Variants in XKR9 observed in about 807,000 individuals in gnomAD.
XKR9 encodes XK-related protein 9.
XKR9 carries 32 observed loss-of-function variants against 32.0 expected under a neutral mutation model. That is an observed-to-expected ratio of 1.00 (90% CI 0.76 to 1.34). The LOEUF (loss-of-function observed/expected upper bound fraction) is 1.34, where lower values mean the gene tolerates loss of function less well. Among genes scored for constraint, XKR9 ranks in the 40% most tolerant of loss-of-function variants. The pLI, the probability that XKR9 is intolerant of heterozygous loss-of-function variation, is 0.00. For missense variants in XKR9, 546 were observed against 429.7 expected, an observed-to-expected ratio of 1.27 and a Z score of -2.39; for synonymous variants, 168 against 143.4, an observed-to-expected ratio of 1.17 and a Z score of -1.22.
intron 4 of XKR9, among the ~76,000 whole-genome samples, chr8:70,730,116 A>G (rs971522128): frequency 6.6e-6 from 1 of 152,156 alleles, no homozygotes; most frequent in African/African-American, 2.4e-5. Context: ...ACAAGACCCA[A>G]TGGAGATAGC....
chr8:70,826,115 T>C, the XKR9 span, among the ~76,000 whole-genome samples: 1 of 152,080 alleles, frequency 6.6e-6, no homozygotes, highest in Non-Finnish European at 1.5e-5. Flanking sequence ...TTTTGGGTCT[T>C]TGTTTTCCAA....
the XKR9 span, among the ~76,000 whole-genome samples, chr8:70,935,705 G>T: frequency 6.6e-6 from 1 of 152,024 alleles, no homozygotes; most frequent in Non-Finnish European, 1.5e-5. Context: ...AAGAAAGTTA[G>T]CTGTTAACTC....
At chr8:70,739,664 TG>T (rs1806931850), downstream of XKR9, among the ~76,000 whole-genome samples, 1 of 152,148 alleles carries the variant, frequency 6.6e-6, no homozygotes, top group South Asian at 2.1e-4. Context: ...GCAAGCTTGG[TG>T]GTGACAAAAT....
chr8:70,713,248 CAA>C (rs1243832863), intron 4 of XKR9, among the ~76,000 whole-genome samples: 1 of 151,622 alleles, frequency 6.6e-6, no homozygotes, highest in African/African-American at 2.4e-5. Flanking sequence ...TTTAGAGAGA[CAA>C]AGAGATAGAA....
chr8:70,806,229 C>A, the XKR9 span, among the ~76,000 whole-genome samples: 16 of 152,112 alleles, frequency 1.1e-4, no homozygotes, highest in African/African-American at 2.7e-4. Context: ...GCATCGACAA[C>A]AACAAAGAAG....
At chr8:70,759,782 C>A (rs904161785) in intron 2 of XKR9, among the ~76,000 whole-genome samples, 15 of 152,164 alleles carry the variant, frequency 9.9e-5, no homozygotes, top group African/African-American at 3.1e-4. Flanking sequence ...ACTGGGGTTC[C>A]AATAAACATT....
chr8:71,050,279 A>T, the XKR9 span, among the ~76,000 whole-genome samples: 16 of 137,442 alleles, frequency 1.2e-4, no homozygotes, highest in African/African-American at 3.3e-4. Context: ...AGATAGATAT[A>T]GATATAGATA....
the XKR9 span, among the ~76,000 whole-genome samples, chr8:70,958,931 G>GTATA: frequency 6.7e-6 from 1 of 149,560 alleles, no homozygotes; most frequent in Non-Finnish European, 1.5e-5. Flanking sequence ...TAATTTGTGT[G>GTATA]TATATATATA....
intron 2 of XKR9, among the ~76,000 whole-genome samples, chr8:70,784,455 A>G (rs996795862): frequency 2.0e-5 from 3 of 151,582 alleles, no homozygotes; most frequent in Non-Finnish European, 2.9e-5. Flanking sequence ...TTTTGTACCT[A>G]TTGTAAGTGG....
intron 2 of XKR9, among the ~76,000 whole-genome samples, chr8:70,787,401 A>G (rs1011094219): frequency 6.6e-6 from 1 of 152,264 alleles, no homozygotes; most frequent in Non-Finnish European, 1.5e-5. Flanking sequence ...TATTTGCTGT[A>G]AATCTTCAAT....
the XKR9 span, among the ~76,000 whole-genome samples, chr8:71,004,345 C>A: frequency 2.0e-5 from 3 of 151,928 alleles, no homozygotes; most frequent in African/African-American, 7.3e-5. Flanking sequence ...GCTTATTTGC[C>A]CCCATAGAGA....
intron 4 of XKR9, among the ~76,000 whole-genome samples, chr8:70,714,898 G>T (rs1157638807): frequency 6.6e-6 from 1 of 152,094 alleles, no homozygotes; most frequent in Non-Finnish European, 1.5e-5. Context: ...GGTCATTTTA[G>T]ACTGAGGAAA....
the XKR9 span, among the ~76,000 whole-genome samples, chr8:70,910,011 T>A: frequency 1.1e-4 from 16 of 152,060 alleles, no homozygotes; most frequent in East Asian, 2.9e-3. Flanking sequence ...ACCGGCCTGA[T>A]TTATCTTTAT....
chr8:70,978,145 G>A, the XKR9 span, among the ~76,000 whole-genome samples: 1 of 152,074 alleles, frequency 6.6e-6, no homozygotes, highest in Admixed American at 6.5e-5. Context: ...CGTGAGATGG[G>A]TCTCCTGAAT....
the XKR9 span, among the ~76,000 whole-genome samples, chr8:70,854,067 G>A: frequency 2.4e-4 from 37 of 152,276 alleles, no homozygotes; most frequent in African/African-American, 8.7e-4. Context: ...TGGGTCAAAT[G>A]TATTTCTAGT....
intron 3 of XKR9, among the ~76,000 whole-genome samples, chr8:70,687,356 T>TTCTTTCTTTCTC (rs1554544471): frequency 2.0e-5 from 3 of 148,440 alleles, no homozygotes; most frequent in African/African-American, 5.0e-5. Context: ...CTTTCTTTCT[T>TTCTTTCTTTCTC]TCTCTCTTTC....
At chr8:70,719,708 G>T (rs1009990227) in intron 4 of XKR9, among the ~76,000 whole-genome samples, 1 of 152,218 alleles carries the variant, frequency 6.6e-6, no homozygotes, top group South Asian at 2.1e-4. Context: ...TTGTAGTATA[G>T]TTTGAAGCCA....
At chr8:70,819,234 A>G in the XKR9 span, among the ~76,000 whole-genome samples, 1 of 152,218 alleles carries the variant, frequency 6.6e-6, no homozygotes, top group African/African-American at 2.4e-5. Flanking sequence ...ACTTATTGAT[A>G]AGATGCCTGC....
chr8:70,708,597 C>G (rs536423121), intron 4 of XKR9, among the ~76,000 whole-genome samples: 1 of 152,082 alleles, frequency 6.6e-6, no homozygotes, highest in African/African-American at 2.4e-5. Flanking sequence ...ATAGAATTTT[C>G]TGTCAGCACA....
Sources: allele counts gnomAD v4.1 joint callset (sites outside exome capture counted in the v4.1 genomes callset), GRCh38; gene constraint gnomAD v4.1.1; transcripts MANE v1.5; gene names NCBI Gene and HGNC (gene_info 2026-07-23, HGNC 2026-07-21).